PRKX: variants seen among roughly 807,000 people sequenced by gnomAD.
PRKX encodes the protein protein kinase cAMP-dependent X-linked catalytic subunit, also known as cAMP-dependent protein kinase catalytic subunit PRKX.
A neutral mutation model predicts 22.0 loss-of-function variants in PRKX; 12 were observed. That is an observed-to-expected ratio of 0.54 (90% confidence interval 0.35 to 0.88). The LOEUF is 0.88. Among genes scored for constraint, PRKX ranks in the 40% least tolerant of loss-of-function variants. PRKX has a pLI of 0.01. For synonymous variants in PRKX, 134 were observed against 137.7 expected, an observed-to-expected ratio of 0.97 and a Z score of 0.19; for missense variants, 217 against 308.0, an observed-to-expected ratio of 0.70 and a Z score of 2.21.
rs1211249214 is a variant in PRKX, at chrX:3,606,443, A to T, written c.*2526T>A. On this transcript the variant is annotated 3_prime_UTR_variant, in exon 9 of 9. Coordinates refer to ENST00000262848, the MANE Select transcript of PRKX (RefSeq NM_005044.5). ...GCCCAGGCTGGAGTGCAGTGGCACG[A>T]TCTCGGCTTACTGCAGCCTCTGCCT... is the stretch of plus-strand genomic sequence containing the variant. 9.0e-6 allele frequency: 1 copy of T among 111,661 alleles called. No individual in the cohort carries two copies. The highest frequency in any genetic ancestry group is 1.9e-5 in the Non-Finnish European group (1 of 53,102). The allele number at this position is 111,661 out of a possible 1,213,427, so 9.2% of individuals were successfully genotyped here.
At chrX:3,686,292 T>C in intron 1 of PRKX, among the ~76,000 whole-genome samples, 1 of 111,387 alleles carries the variant, frequency 9.0e-6, no homozygotes, top group East Asian at 2.8e-4. Context: ...AAGTCTGATA[T>C]GTCCAAAACA....
At chrX:3,684,580 T>G (rs184525096) in intron 1 of PRKX, among the ~76,000 whole-genome samples, 1 of 111,570 alleles carries the variant, frequency 9.0e-6, no homozygotes, top group Admixed American at 9.5e-5. Flanking sequence ...CAGACTTCTA[T>G]GTAAATAAAG....
chrX:3,701,648 G>C (rs1928576267), intron 1 of PRKX, among the ~76,000 whole-genome samples: 1 of 112,071 alleles, frequency 8.9e-6, no homozygotes, highest in Admixed American at 9.5e-5. Flanking sequence ...GAAGCCTGTT[G>C]GGCTGCATGC....
At chrX:3,647,249 A>G (rs903940852) in intron 3 of PRKX, among the ~76,000 whole-genome samples, 2 of 107,671 alleles carry the variant, frequency 1.9e-5, no homozygotes, top group African/African-American at 3.3e-5. Flanking sequence ...ACTATGGATA[A>G]TAATGTATAA....
chrX:3,646,798 C>T (rs900573036), intron 3 of PRKX, among the ~76,000 whole-genome samples: 7 of 110,368 alleles, frequency 6.3e-5, no homozygotes, highest in Non-Finnish European at 1.3e-4. Context: ...TGTGTGTTTG[C>T]GAGCATGGGA....
intron 3 of PRKX, among the ~76,000 whole-genome samples, chrX:3,645,999 AAAAGAG>A (rs1927179828): frequency 9.0e-6 from 1 of 111,645 alleles, no homozygotes; most frequent in Non-Finnish European, 1.9e-5. Flanking sequence ...TACCACAATA[AAAAGAG>A]AAAAAGAGGC....
At chrX:3,621,061 A>C (rs1926544940) in intron 6 of PRKX, among the ~76,000 whole-genome samples, 198 bp downstream of exon 6, 1 of 111,676 alleles carries the variant, frequency 9.0e-6, no homozygotes, top group Admixed American at 9.6e-5. Flanking sequence ...GTGGGCCCAG[A>C]AACCGAGATT....
intron 7 of PRKX, among the ~76,000 whole-genome samples, chrX:3,613,721 C>T (rs1328804172): frequency 1.9e-5 from 2 of 106,028 alleles, no homozygotes; most frequent in East Asian, 6.0e-4. Flanking sequence ...TGGTGGCGCA[C>T]ACCTGTAATC....
intron 3 of PRKX, among the ~76,000 whole-genome samples, chrX:3,651,289 G>A (rs773933282): frequency 3.0e-4 from 33 of 111,811 alleles, no homozygotes; most frequent in African/African-American, 1.0e-3. Flanking sequence ...AACCATTTTC[G>A]TCCATTTAAA....
chrX:3,701,113 CT>C (rs1435827981), intron 1 of PRKX, among the ~76,000 whole-genome samples: 53 of 47,133 alleles, frequency 1.1e-3, no homozygotes, highest in African/African-American at 3.6e-3. Context: ...TCTTTTTTTC[CT>C]TTTCTTTCTT....
chrX:3,627,383 A>G (rs1926682136), intron 4 of PRKX, among the ~76,000 whole-genome samples: 1 of 100,830 alleles, frequency 9.9e-6, no homozygotes, highest in Non-Finnish European at 2.0e-5. Flanking sequence ...ACTCTGTCTC[A>G]AAAAAAATTA....
At chrX:3,671,433 C>T (rs952057840) in intron 2 of PRKX, among the ~76,000 whole-genome samples, 2 of 111,453 alleles carry the variant, frequency 1.8e-5, no homozygotes, top group African/African-American at 6.5e-5. Context: ...CTGCCATGTT[C>T]TCCCAAAACA....
chrX:3,649,728 A>AGAATGGGAGGGGAGGGAAGGGGAAG (rs1927274611), intron 3 of PRKX, among the ~76,000 whole-genome samples: 1 of 19,487 alleles, frequency 5.1e-5, no homozygotes, highest in African/African-American at 2.1e-4. Context: ...GGAAGGGGAA[A>AGAATGGGAGGGGAGGGAAGGGGAAG]GAATGGGAGG....
chrX:3,621,160 C>T (rs941159403), intron 6 of PRKX, 99 bp downstream of exon 6: 21 of 706,221 alleles, frequency 3.0e-5, no homozygotes, highest in African/African-American at 2.9e-4. Flanking sequence ...TAAATACGAC[C>T]GCTAAGCCTT....
intron 3 of PRKX, among the ~76,000 whole-genome samples, chrX:3,648,596 C>T (rs1461362097): frequency 1.1e-5 from 1 of 92,407 alleles, no homozygotes; most frequent in Non-Finnish European, 2.1e-5. Context: ...GTGAATTACT[C>T]TCTCTACTCC....
At chrX:3,704,674 G>C (rs1928648358) in intron 1 of PRKX, among the ~76,000 whole-genome samples, 1 of 110,915 alleles carries the variant, frequency 9.0e-6, no homozygotes. Context: ...AAAAAAAGGA[G>C]TGAGATAATG....
At chrX:3,704,613 C>T (rs1012695585) in intron 1 of PRKX, among the ~76,000 whole-genome samples, 8 of 110,551 alleles carry the variant, frequency 7.2e-5, no homozygotes, top group Admixed American at 2.9e-4. Flanking sequence ...GCTGCAGTGA[C>T]ACCACGTCAC....
intron 4 of PRKX, among the ~76,000 whole-genome samples, chrX:3,636,910 C>A (rs1311515147): frequency 9.7e-6 from 1 of 102,846 alleles, no homozygotes; most frequent in Non-Finnish European, 2.0e-5. Context: ...GCCTGGGTGA[C>A]AGAGCGAGGC....
intron 8 of PRKX, among the ~76,000 whole-genome samples, chrX:3,610,172 C>G (rs1236005648): frequency 1.8e-5 from 2 of 112,029 alleles, no homozygotes; most frequent in African/African-American, 6.5e-5. Context: ...GATAAAATTA[C>G]TAAGACGGAT....
Sources: allele counts gnomAD v4.1 joint callset (sites outside exome capture counted in the v4.1 genomes callset), GRCh38; gene constraint gnomAD v4.1.1; transcripts MANE v1.5; gene names NCBI Gene and HGNC (gene_info 2026-07-23, HGNC 2026-07-21).